DOCK3: variants seen among roughly 807,000 people sequenced by gnomAD.
DOCK3 encodes dedicator of cytokinesis 3.
In DOCK3, 60 loss-of-function variants were observed where a neutral mutation model predicts 265.6. That is an observed-to-expected ratio of 0.23 (90% CI 0.18 to 0.28). The LOEUF is 0.28. Among genes scored for constraint, DOCK3 ranks in the 10% least tolerant of loss-of-function variants. The pLI, the probability that DOCK3 is intolerant of heterozygous loss-of-function variation, is 1.00. For synonymous variants in DOCK3, 881 were observed against 938.0 expected, an observed-to-expected ratio of 0.94 and a Z score of 1.11; for missense variants, 1,981 against 2,594.3, an observed-to-expected ratio of 0.76 and a Z score of 5.14.
intron 4 of DOCK3, among the ~76,000 whole-genome samples, chr3:50,899,616 A>T (rs1040598991): frequency 2.0e-5 from 3 of 152,138 alleles, no homozygotes; most frequent in African/African-American, 7.2e-5. Context: ...GGGTGGTACC[A>T]GTTTTTCCTT....
intron 5 of DOCK3, among the ~76,000 whole-genome samples, chr3:50,949,735 A>G (rs887953231): frequency 2.0e-5 from 3 of 152,092 alleles, no homozygotes; most frequent in African/African-American, 7.2e-5. Flanking sequence ...CATCTTACCC[A>G]AGTTTTTAGT....
chr3:51,358,089 C>A lies in DOCK3; in HGVS notation c.4884+12C>A. On this transcript the variant is annotated intron_variant, in intron 46 of 52. Coordinates refer to ENST00000266037, the MANE Select transcript of DOCK3 (RefSeq NM_004947.5). ...CCAGTCTCTACCATGTAAGTTGATC[C>A]CTGTCCTGCCCCTGCTGCAGTAGAA... The A allele has an allele frequency of 6.2e-7, 1 of 1,611,540 alleles. No individual in the cohort carries two copies. The highest frequency in any genetic ancestry group is 8.5e-7 in the Non-Finnish European group (1 of 1,178,264).
At chr3:50,952,714 AG>A (rs2076625459) in intron 5 of DOCK3, among the ~76,000 whole-genome samples, 1 of 152,134 alleles carries the variant, frequency 6.6e-6, no homozygotes, top group Non-Finnish European at 1.5e-5. Flanking sequence ...AATAGTTGGA[AG>A]GAGTGGAAAG....
chr3:50,875,471 T>C (rs945318572), intron 3 of DOCK3, among the ~76,000 whole-genome samples: 1 of 152,180 alleles, frequency 6.6e-6, no homozygotes, highest in Admixed American at 6.5e-5. Context: ...TTCAGGTAAA[T>C]TCCTTCCATA....
intron 5 of DOCK3, among the ~76,000 whole-genome samples, chr3:50,996,171 G>A (rs1257184893): frequency 4.6e-5 from 7 of 151,582 alleles, no homozygotes; most frequent in African/African-American, 1.7e-4. Flanking sequence ...ACTGCATCTG[G>A]CCGTATTGTT....
chr3:50,964,592 A>C (rs2076976174), intron 5 of DOCK3, among the ~76,000 whole-genome samples: 1 of 152,190 alleles, frequency 6.6e-6, no homozygotes, highest in Non-Finnish European at 1.5e-5. Context: ...AAAGTGATAA[A>C]ATAAACCAAA....
At chr3:50,960,203 G>A (rs2076849743) in intron 5 of DOCK3, among the ~76,000 whole-genome samples, 1 of 151,996 alleles carries the variant, frequency 6.6e-6, no homozygotes, top group South Asian at 2.1e-4. Context: ...TCCTTTTATG[G>A]GGGTAGATAT....
intron 1 of DOCK3, among the ~76,000 whole-genome samples, chr3:50,762,853 G>C (rs1322243635): frequency 4.6e-5 from 7 of 151,912 alleles, no homozygotes; most frequent in Non-Finnish European, 7.4e-5. Context: ...GTTTGGTTTT[G>C]GCATGAGAGT....
chr3:51,345,050 T>A (rs1560473473), intron 38 of DOCK3, among the ~76,000 whole-genome samples: 2 of 152,236 alleles, frequency 1.3e-5, no homozygotes, highest in African/African-American at 4.8e-5. Flanking sequence ...ACAGCCATTG[T>A]CATCTAAATG....
At chr3:50,761,996 T>C (rs2040560806) in intron 1 of DOCK3, among the ~76,000 whole-genome samples, 1 of 152,086 alleles carries the variant, frequency 6.6e-6, no homozygotes, top group Non-Finnish European at 1.5e-5. Flanking sequence ...CTCAGCAAAC[T>C]ATCGCAAGGA....
In DOCK3 at chr3:51,330,203, C is replaced by A; in HGVS notation, c.3468C>A (p.Tyr1156Ter). ...MVSEGKGDESYRELFSLLTQL... is the reference protein window; with the variant it reads ...MVSEGKGDES ...CAGAAGGGAAAGGTGACGAGAGCTA[C>A]AGGGAGCTCTTCAGCCTACTGTAAG... The change falls in exon 33 of 53, where the codon TAC becomes TAA. Residue 1156 changes from tyrosine (Y) to a stop codon, truncating the protein, a stop_gained. Transcript: ENST00000266037. LOFTEE classifies it high-confidence loss of function. 1 of 1,601,444 alleles carries A rather than the reference C, an allele frequency of 6.2e-7. No homozygotes were observed.
In DOCK3 at chr3:51,131,034, T is replaced by C. The variant is rs373454251; in HGVS notation, c.747-15515T>C. Among the ~76,000 whole-genome samples the C allele has an allele frequency of 1.5e-3, 222 of 152,316 alleles. 4 individuals carry two copies. In the South Asian group the frequency reaches 0.045, roughly 31 times the overall value. On this transcript the variant is annotated intron_variant, in intron 9 of 52. Transcript: ENST00000266037. ...CAATAGTTTTTTAGTTTACTATTTG[T>C]CTAGGTAGAGGCCACGCTAATGGCT... is the stretch of plus-strand genomic sequence containing the variant.
chr3:51,051,681 GC>G (rs2109121331), intron 5 of DOCK3, among the ~76,000 whole-genome samples: 1 of 152,276 alleles, frequency 6.6e-6, no homozygotes, highest in South Asian at 2.1e-4. Flanking sequence ...TTCTTGTGTT[GC>G]TGTAAAGGAA....
intron 19 of DOCK3, among the ~76,000 whole-genome samples, chr3:51,234,617 C>T (rs1014726583): frequency 6.6e-6 from 1 of 152,166 alleles, no homozygotes; most frequent in African/African-American, 2.4e-5. Context: ...CTCTACTCTC[C>T]TGATTTTAAG....
chr3:51,278,530 T>TA, intron 26 of DOCK3: 4 of 985,378 alleles, frequency 4.1e-6, no homozygotes, highest in Non-Finnish European at 4.8e-6. Context: ...AGGGAGCAGG[T>TA]ATGTGTTCTG....
At chr3:50,895,694 T>C (rs2107770969) in intron 4 of DOCK3, among the ~76,000 whole-genome samples, 1 of 152,180 alleles carries the variant, frequency 6.6e-6, no homozygotes, top group Non-Finnish European at 1.5e-5. Flanking sequence ...GGCCCCAGTG[T>C]GTGATGCTTC....
chr3:51,277,506 A>G, intron 25 of DOCK3, 102 bp from the exon 26 acceptor site: 1 of 1,403,348 alleles, frequency 7.1e-7, no homozygotes, highest in Non-Finnish European at 9.4e-7. Flanking sequence ...GGTGTTGGGA[A>G]TCCAGAAGAC....
At chr3:51,027,679 T>C (rs1465148081) in intron 5 of DOCK3, among the ~76,000 whole-genome samples, 1 of 152,194 alleles carries the variant, frequency 6.6e-6, no homozygotes, top group Non-Finnish European at 1.5e-5. Flanking sequence ...TTTAACCCTT[T>C]ATCATTATGT....
At chr3:50,753,046 A>G (rs1457419696) in intron 1 of DOCK3, among the ~76,000 whole-genome samples, 1 of 152,334 alleles carries the variant, frequency 6.6e-6, no homozygotes, top group East Asian at 1.9e-4. Flanking sequence ...ATTCGAGGAT[A>G]TTATGTAGGT....
Sources: gnomAD v4.1 joint callset for allele counts (sites outside exome capture counted in the v4.1 genomes callset) on GRCh38, gnomAD v4.1.1 for gene constraint, MANE v1.5 for transcripts, NCBI Gene and HGNC (gene_info 2026-07-23, HGNC 2026-07-21) for gene names.